GRM7: variants seen among roughly 807,000 people sequenced by gnomAD.
GRM7 encodes metabotropic glutamate receptor 7.
A neutral mutation model predicts 84.5 loss-of-function variants in GRM7; 35 were observed. The ratio of observed to expected loss-of-function variants is 0.41; its 90% CI spans 0.32 to 0.55. The LOEUF is 0.55. Ranked by LOEUF, GRM7 falls within the 20% of genes least tolerant of loss-of-function variation. The probability of loss-of-function intolerance (pLI) is 0.19; values close to 1 mark genes in which losing one functional copy is unlikely to be tolerated. For missense variants in GRM7, 1,003 were observed against 1,194.6 expected (o/e 0.84, Z 2.36); for synonymous variants, 487 against 455.1 (o/e 1.07, Z -0.89).
At chr3:7,228,050 A>C (rs1427449544) in intron 2 of GRM7, among the ~76,000 whole-genome samples, 1 of 152,168 alleles carries the variant, frequency 6.6e-6, no homozygotes, top group Admixed American at 6.5e-5. Flanking sequence ...GATGTCTGTG[A>C]TTAGCTCTAA....
intron 1 of GRM7, among the ~76,000 whole-genome samples, chr3:7,010,160 A>G (rs931441149): frequency 6.6e-6 from 1 of 152,186 alleles, no homozygotes; most frequent in Non-Finnish European, 1.5e-5. Flanking sequence ...GGGCCGGGCC[A>G]GTAGCTCGGG....
chr3:7,365,647 G>GTGTATATATATATATA (rs1490998013), intron 4 of GRM7, among the ~76,000 whole-genome samples: 3 of 130,052 alleles, frequency 2.3e-5, no homozygotes, highest in African/African-American at 8.4e-5. Flanking sequence ...GTGCGTGTGT[G>GTGTATATATATATATA]TATATATATA....
intron 2 of GRM7, among the ~76,000 whole-genome samples, chr3:7,212,423 A>C (rs1167646633): frequency 1.3e-5 from 2 of 152,174 alleles, no homozygotes; most frequent in African/African-American, 4.8e-5. Context: ...TCCAGTGATA[A>C]TTAAAACAAA....
At chr3:7,603,675 TTTTG>T (rs1412903095) in intron 8 of GRM7, among the ~76,000 whole-genome samples, 1 of 152,168 alleles carries the variant, frequency 6.6e-6, no homozygotes, top group Non-Finnish European at 1.5e-5. Context: ...AGGATTTTTG[TTTTG>T]TTTGTTTTCC....
chr3:7,016,317 T>C (rs1154366), intron 1 of GRM7, among the ~76,000 whole-genome samples: 151,344 of 152,332 alleles, frequency 0.99, 75,187 homozygotes, highest in African/African-American at 1. Flanking sequence ...CAGAAGAAGG[T>C]GTTTTACTTG....
At chr3:7,073,462 A>C (rs941058586) in intron 1 of GRM7, among the ~76,000 whole-genome samples, 7 of 152,162 alleles carry the variant, frequency 4.6e-5, no homozygotes, top group African/African-American at 1.7e-4. Context: ...TATTACAAAC[A>C]AGCAGATGGT....
intron 4 of GRM7, among the ~76,000 whole-genome samples, chr3:7,327,813 C>A (rs17047128): frequency 0.016 from 2,486 of 152,310 alleles, 86 homozygotes; most frequent in African/African-American, 0.057. Flanking sequence ...GATGTATAAT[C>A]AAAGCTGACC....
At chr3:7,535,607 A>G (rs978064520) in intron 7 of GRM7, among the ~76,000 whole-genome samples, 1 of 152,220 alleles carries the variant, frequency 6.6e-6, no homozygotes, top group Non-Finnish European at 1.5e-5. Context: ...CTTAACCTCC[A>G]TATGCTCTAA....
At chr3:7,205,697 C>T (rs911393290) in intron 2 of GRM7, among the ~76,000 whole-genome samples, 1 of 152,106 alleles carries the variant, frequency 6.6e-6, no homozygotes, top group Non-Finnish European at 1.5e-5. Context: ...TGGTGATTCA[C>T]CACGGGGAAG....
intron 1 of GRM7, among the ~76,000 whole-genome samples, chr3:6,961,185 G>C (rs1693283589): frequency 6.6e-6 from 1 of 152,146 alleles, no homozygotes; most frequent in Non-Finnish European, 1.5e-5. Flanking sequence ...AGTGAAATTT[G>C]CGAAATCTCA....
intron 8 of GRM7, among the ~76,000 whole-genome samples, chr3:7,621,918 A>G (rs955307286): frequency 6.6e-6 from 1 of 152,298 alleles, no homozygotes; most frequent in East Asian, 1.9e-4. Context: ...ATTGAGATAC[A>G]TGAAGATGGG....
intron 8 of GRM7, among the ~76,000 whole-genome samples, chr3:7,673,222 A>C (rs1351155776): frequency 3.3e-5 from 5 of 152,174 alleles, no homozygotes; most frequent in Non-Finnish European, 4.4e-5. Context: ...ACACAAATAG[A>C]AAAAATGCTA....
intron 3 of GRM7, among the ~76,000 whole-genome samples, chr3:7,301,918 A>G (rs570227241): frequency 5.3e-5 from 8 of 152,284 alleles, no homozygotes; most frequent in Admixed American, 1.3e-4. Context: ...AAAGGCTAGC[A>G]GTGAGAAGAC....
At chr3:7,180,504 C>A (rs1355684752) in intron 2 of GRM7, among the ~76,000 whole-genome samples, 3 of 152,272 alleles carry the variant, frequency 2.0e-5, no homozygotes, top group Non-Finnish European at 4.4e-5. Flanking sequence ...CCCCCGGCAA[C>A]TGCAGCAGTC....
chr3:7,415,475 C>A (rs1371550016), intron 5 of GRM7, among the ~76,000 whole-genome samples: 1 of 152,030 alleles, frequency 6.6e-6, no homozygotes, highest in African/African-American at 2.4e-5. Context: ...TTCACATAGA[C>A]AAAATTCTCT....
At chr3:6,879,586 A>G (rs1350569528) in intron 1 of GRM7, among the ~76,000 whole-genome samples, 1 of 152,194 alleles carries the variant, frequency 6.6e-6, no homozygotes, top group Non-Finnish European at 1.5e-5. Context: ...ACATAAAAAT[A>G]TTACCATTTT....
At chr3:7,695,394 C>T (rs1700980288) in intron 9 of GRM7, among the ~76,000 whole-genome samples, 1 of 152,196 alleles carries the variant, frequency 6.6e-6, no homozygotes, top group South Asian at 2.1e-4. Context: ...ACATCTTATG[C>T]AATCATTTCA....
intron 7 of GRM7, among the ~76,000 whole-genome samples, chr3:7,474,450 A>G (rs139447595): frequency 2.0e-5 from 3 of 152,136 alleles, no homozygotes; most frequent in East Asian, 1.9e-4. Flanking sequence ...CAAAAAAAAA[A>G]AAAAAATTGA....
At position 7,298,105 on chromosome 3, in the gene GRM7, A is replaced by C. The variant is rs73809056; in HGVS notation, c.737-579A>C. On this transcript the variant is annotated intron_variant, in intron 2 of 9. Transcript: ENST00000357716. ...TGAGGTAACATCTGTAAAACACTTA[A>C]TGATGGCTTAGGCACATAGTATGTT... 1.8e-3 allele frequency among the ~76,000 whole-genome samples: 279 copies of C among 152,298 alleles called. 3 individuals are homozygous for C. Among genetic ancestry groups the C allele is most frequent in the African/African-American group, 6.5e-3 (270 of 41,576 alleles).
Sources: gnomAD v4.1 joint callset for allele counts (sites outside exome capture counted in the v4.1 genomes callset) on GRCh38, gnomAD v4.1.1 for gene constraint, MANE v1.5 for transcripts, NCBI Gene and HGNC (gene_info 2026-07-23, HGNC 2026-07-21) for gene names.